The following COL21A1 variants were observed in gnomAD, a reference collection of about 807,000 sequenced individuals.
COL21A1 encodes the protein collagen alpha-1(XXI) chain.
COL21A1 carries 149 observed loss-of-function variants against 137.9 expected under a neutral mutation model. The ratio of observed to expected loss-of-function variants is 1.08; its 90% CI spans 0.95 to 1.24. The LOEUF is 1.24. COL21A1 is among the 50% of genes most tolerant of loss of function. The pLI is 0.00. For missense variants in COL21A1, 1,167 were observed against 1,158.4 expected (o/e 1.01, Z -0.11); for synonymous variants, 456 against 391.5 (o/e 1.16, Z -1.95).
chr6:56,072,410 A>G (rs1054935016), intron 20 of COL21A1, among the ~76,000 whole-genome samples: 8 of 151,540 alleles, frequency 5.3e-5, no homozygotes, highest in Non-Finnish European at 8.9e-5. Flanking sequence ...GTATTATAAT[A>G]TAAATTAGAG....
At chr6:56,126,282 A>G in intron 12 of COL21A1, 133 bp from the exon 13 acceptor site, 1 of 603,276 alleles carries the variant, frequency 1.7e-6, no homozygotes. Context: ...TCATATCAGC[A>G]TTCAATTATC....
In COL21A1 at chr6:56,179,648, A is replaced by T; in HGVS notation, c.570T>A (p.Tyr190Ter). The T allele has an allele frequency of 6.2e-7, 1 of 1,613,962 alleles. No homozygotes were observed. Among genetic ancestry groups the T allele is most frequent in the South Asian group, 1.1e-5 (1 of 91,080 alleles). Residue 190 changes from tyrosine (Y) to a stop codon, truncating the protein, a stop_gained, in exon 3 of 30, where the codon TAT (tyrosine) becomes TAA (stop). Coordinates refer to ENST00000244728, the MANE Select transcript of COL21A1 (RefSeq NM_030820.4). LOFTEE classifies it high-confidence loss of function. The part of the protein sequence containing the change: ...RAIANKPSST[Y>*]VFYVEDYIAI... ...CAATATAGTCTTCCACATAAAACAC[A>T]TAAGTAGACGAAGGCTTGTTGGCAA... is the stretch of plus-strand genomic sequence containing the variant.
At chr6:56,130,920 C>A (rs1773507849) in intron 12 of COL21A1, among the ~76,000 whole-genome samples, 1 of 152,060 alleles carries the variant, frequency 6.6e-6, no homozygotes, top group African/African-American at 2.4e-5. Context: ...CAATGGATAG[C>A]AAAGAAGAGA....
At chr6:56,326,689 T>C (rs1765100974) in intron 1 of COL21A1, among the ~76,000 whole-genome samples, 1 of 152,046 alleles carries the variant, frequency 6.6e-6, no homozygotes, top group South Asian at 2.1e-4. Flanking sequence ...CTTCAAAACA[T>C]TAATTTTTAG....
intron 10 of COL21A1, among the ~76,000 whole-genome samples, chr6:56,152,553 G>A (rs1468644918): frequency 6.6e-6 from 1 of 152,080 alleles, no homozygotes; most frequent in Non-Finnish European, 1.5e-5. Context: ...ACACATACAT[G>A]TACTAAATGA....
intron 1 of COL21A1, among the ~76,000 whole-genome samples, chr6:56,327,956 C>T (rs1765133232): frequency 6.6e-6 from 1 of 151,964 alleles, no homozygotes; most frequent in Admixed American, 6.6e-5. Flanking sequence ...TGGAATCAGG[C>T]TAACATAATA....
chr6:56,346,080 A>G (rs1765590995), intron 1 of COL21A1, among the ~76,000 whole-genome samples: 1 of 152,224 alleles, frequency 6.6e-6, no homozygotes, highest in African/African-American at 2.4e-5. Flanking sequence ...ATTATAATTT[A>G]TATACAGTAA....
At chr6:56,368,912 T>C (rs540893789) in intron 1 of COL21A1, among the ~76,000 whole-genome samples, 8 of 152,302 alleles carry the variant, frequency 5.3e-5, no homozygotes, top group African/African-American at 1.4e-4. Flanking sequence ...AGTAGAAAAA[T>C]GTCCACATAA....
Position 56,171,144 on chromosome 6 carries a change from A to C in COL21A1, c.641-16T>G. ...CAGACAGATTCTATAAAGCAAAAGC[A>C]ATAAAAGTTGGTTAATCATGGACTA... On this transcript the variant is annotated splice_polypyrimidine_tract_variant and intron_variant, in intron 3 of 29. Coordinates refer to ENST00000244728, the MANE Select transcript of COL21A1 (RefSeq NM_030820.4). 1 of 1,563,280 alleles carries C rather than the reference A, an allele frequency of 6.4e-7. No homozygotes were observed. The highest frequency in any genetic ancestry group is 8.6e-7 in the Non-Finnish European group (1 of 1,159,164).
chr6:56,075,442 A>C (rs753678751), intron 19 of COL21A1, 37 bp downstream of exon 19: 97 of 1,512,282 alleles, frequency 6.4e-5, no homozygotes, highest in Non-Finnish European at 7.9e-5. Context: ...CAACACTGCA[A>C]ACACTTTGAT....
intron 1 of COL21A1, among the ~76,000 whole-genome samples, chr6:56,273,097 T>C (rs867424178): frequency 1.2e-4 from 18 of 152,112 alleles, no homozygotes; most frequent in African/African-American, 4.1e-4. Flanking sequence ...ACTACACAAA[T>C]ACATTGCAAA....
intron 2 of COL21A1, 63 bp downstream of exon 2, chr6:56,182,466 TCC>T: frequency 2.9e-6 from 3 of 1,026,062 alleles, no homozygotes; most frequent in Non-Finnish European, 4.5e-6. Flanking sequence ...TTACTTGAAC[TCC>T]CCTAGTTTAA....
chr6:56,253,868 G>C (rs1318079442), intron 1 of COL21A1, among the ~76,000 whole-genome samples: 1 of 152,054 alleles, frequency 6.6e-6, no homozygotes, highest in Non-Finnish European at 1.5e-5. Flanking sequence ...AAACCTCAAG[G>C]AAATTTGACT....
At chr6:56,085,812 C>T (rs111333818) in intron 17 of COL21A1, among the ~76,000 whole-genome samples, 2,568 of 151,564 alleles carry the variant, frequency 0.017, 73 homozygotes, top group African/African-American at 0.059. Context: ...TTTTGAGGTA[C>T]TCTGTGGATC....
intron 12 of COL21A1, 25 bp downstream of exon 12, chr6:56,141,760 T>C (rs1243814084): frequency 6.2e-7 from 1 of 1,611,412 alleles, no homozygotes; most frequent in African/African-American, 1.3e-5. Context: ...CTAACACCAT[T>C]GATTGCATTT....
At chr6:56,181,128 T>C (rs1297619391) in intron 2 of COL21A1, among the ~76,000 whole-genome samples, 2 of 152,244 alleles carry the variant, frequency 1.3e-5, no homozygotes, top group Non-Finnish European at 1.5e-5. Context: ...AATATGGATT[T>C]GTCTCAAAAA....
chr6:56,293,594 A>C (rs558657916), intron 1 of COL21A1, among the ~76,000 whole-genome samples: 4 of 152,296 alleles, frequency 2.6e-5, no homozygotes, highest in African/African-American at 7.2e-5. Flanking sequence ...TTAATCATTA[A>C]TGAAATAAAA....
chr6:56,123,974 A>G, intron 16 of COL21A1, 88 bp downstream of exon 16: 4 of 1,186,822 alleles, frequency 3.4e-6, no homozygotes, highest in Non-Finnish European at 4.6e-6. Context: ...CATGTTAAAA[A>G]ATTTTAATAT....
chr6:56,212,330 A>G (rs2152306948), intron 1 of COL21A1, among the ~76,000 whole-genome samples: 1 of 152,122 alleles, frequency 6.6e-6, no homozygotes, highest in African/African-American at 2.4e-5. Context: ...TTAATTGCTA[A>G]TCGGGAACAC....
Sources: gnomAD v4.1 joint callset for allele counts (sites outside exome capture counted in the v4.1 genomes callset) on GRCh38, gnomAD v4.1.1 for gene constraint, MANE v1.5 for transcripts, NCBI Gene and HGNC (gene_info 2026-07-23, HGNC 2026-07-21) for gene names.